PPP1R9A: variants seen among roughly 807,000 people sequenced by gnomAD.
PPP1R9A encodes the protein protein phosphatase 1 regulatory subunit 9A, also known as neurabin-1.
PPP1R9A carries 59 observed loss-of-function variants against 141.9 expected under a neutral mutation model. The observed-to-expected ratio is 0.42, with a 90% CI of 0.34 to 0.52. The LOEUF is 0.52. Ranked by LOEUF, PPP1R9A falls within the 20% of genes least tolerant of loss-of-function variation. The pLI is 0.10. For missense variants in PPP1R9A, 1,444 were observed against 1,611.9 expected, an observed-to-expected ratio of 0.90 and a Z score of 1.78; for synonymous variants, 500 against 569.7, an observed-to-expected ratio of 0.88 and a Z score of 1.74.
chr7:95,166,933 T>G (rs1831354626), intron 5 of PPP1R9A, among the ~76,000 whole-genome samples: 1 of 152,172 alleles, frequency 6.6e-6, no homozygotes, highest in Admixed American at 6.5e-5. Flanking sequence ...TCTCAGTAGA[T>G]GCAGAAAAAA....
At chr7:95,144,794 T>A (rs996753782) in intron 4 of PPP1R9A, among the ~76,000 whole-genome samples, 1 of 152,160 alleles carries the variant, frequency 6.6e-6, no homozygotes, top group Non-Finnish European at 1.5e-5. Context: ...GGTAAACTAT[T>A]CCTGTTGTAG....
At chr7:95,273,846 G>T in intron 14 of PPP1R9A, 53 bp from the exon 15 acceptor site, 3 of 1,410,418 alleles carry the variant, frequency 2.1e-6, no homozygotes, top group South Asian at 1.3e-5. Context: ...CTTTTGAATT[G>T]TGACTTTAAA....
chr7:95,238,447 T>A (rs1287129497), intron 8 of PPP1R9A, among the ~76,000 whole-genome samples: 1 of 152,134 alleles, frequency 6.6e-6, no homozygotes, highest in Non-Finnish European at 1.5e-5. Flanking sequence ...TGGAGAAGAC[T>A]AAAGATTAAA....
intron 5 of PPP1R9A, among the ~76,000 whole-genome samples, chr7:95,163,373 G>A (rs370236675): frequency 6.2e-4 from 95 of 152,212 alleles, no homozygotes; most frequent in African/African-American, 2.1e-3. Context: ...TTACTCTCAT[G>A]GAAGGACATA....
intron 4 of PPP1R9A, among the ~76,000 whole-genome samples, chr7:95,153,584 G>C (rs1289276580): frequency 6.6e-6 from 1 of 152,148 alleles, no homozygotes; most frequent in Admixed American, 6.5e-5. Context: ...TTTTAAATCA[G>C]TCTGATTTGT....
intron 2 of PPP1R9A, among the ~76,000 whole-genome samples, chr7:95,001,261 C>A (rs1434494885): frequency 6.6e-6 from 1 of 152,088 alleles, no homozygotes; most frequent in Non-Finnish European, 1.5e-5. Flanking sequence ...CTTTATATAG[C>A]TATTCAGTTG....
intron 2 of PPP1R9A, among the ~76,000 whole-genome samples, chr7:94,947,950 G>C (rs1796068712): frequency 6.6e-6 from 1 of 152,068 alleles, no homozygotes; most frequent in Non-Finnish European, 1.5e-5. Context: ...GGGGAGGCCT[G>C]AGTGAAATAT....
intron 2 of PPP1R9A, among the ~76,000 whole-genome samples, chr7:94,960,415 T>C (rs1049848597): frequency 1.3e-5 from 2 of 151,654 alleles, no homozygotes; most frequent in Non-Finnish European, 1.5e-5. Context: ...TCTTAAAAAG[T>C]ACACTGATAC....
chr7:95,201,681 C>T lies in PPP1R9A; in HGVS notation c.1891-1984C>T, dbSNP rs185460809. On this transcript the variant is annotated intron_variant, in intron 6 of 19. Transcript: ENST00000433360. Reference sequence around the variant, plus strand: ...ATTGGATAGCTAATGGATAAATGCTCCTTGAATAATTGAGTTAATTTCATA... The same window carrying T: ...ATTGGATAGCTAATGGATAAATGCTTCTTGAATAATTGAGTTAATTTCATA... 2.4e-3 allele frequency among the ~76,000 whole-genome samples: 358 copies of T among 152,158 alleles called. 1 individual carries two copies. The highest frequency in any genetic ancestry group is 5.6e-3 in the Admixed American group (85 of 15,278).
At chr7:95,176,059 C>G (rs1479092141) in intron 5 of PPP1R9A, among the ~76,000 whole-genome samples, 3 of 151,808 alleles carry the variant, frequency 2.0e-5, no homozygotes, top group Non-Finnish European at 1.5e-5. Context: ...AATCAGAAAA[C>G]CCGAGAGGAC....
intron 8 of PPP1R9A, among the ~76,000 whole-genome samples, chr7:95,235,137 A>T (rs147566334): frequency 0.019 from 2,937 of 152,304 alleles, 43 homozygotes; most frequent in Non-Finnish European, 0.029. Flanking sequence ...ATCCAAAAGC[A>T]AATGCAACAA....
intron 4 of PPP1R9A, among the ~76,000 whole-genome samples, chr7:95,144,451 A>G (rs372673358): frequency 5.9e-5 from 9 of 152,224 alleles, no homozygotes; most frequent in East Asian, 1.9e-4. Flanking sequence ...TAATGCTGCA[A>G]TGAACATGGA....
At chr7:94,927,178 T>C (rs1793587009) in intron 2 of PPP1R9A, among the ~76,000 whole-genome samples, 1 of 152,182 alleles carries the variant, frequency 6.6e-6, no homozygotes, top group South Asian at 2.1e-4. Context: ...GGGTTATGTA[T>C]GTTTTTGCAG....
At chr7:95,106,603 A>G (rs1302294328) in intron 2 of PPP1R9A, among the ~76,000 whole-genome samples, 2 of 152,190 alleles carry the variant, frequency 1.3e-5, no homozygotes, top group African/African-American at 4.8e-5. Flanking sequence ...GCTTTGGGCT[A>G]TTACAGATAG....
intron 5 of PPP1R9A, among the ~76,000 whole-genome samples, 164 bp downstream of exon 5, chr7:95,162,135 T>TG (rs1190773747): frequency 6.6e-6 from 1 of 152,196 alleles, no homozygotes; most frequent in Non-Finnish European, 1.5e-5. Flanking sequence ...AATTAGTTCA[T>TG]GAAAATAGAA....
At chr7:95,268,108 A>T (rs1421426717) in intron 12 of PPP1R9A, among the ~76,000 whole-genome samples, 1 of 152,200 alleles carries the variant, frequency 6.6e-6, no homozygotes, top group Non-Finnish European at 1.5e-5. Context: ...CAGTAAATTT[A>T]TGATAGTTAC....
rs146812392 is a variant in PPP1R9A, at chr7:95,196,258, A to C, written c.1755-2091A>C. 4.3e-3 allele frequency among the ~76,000 whole-genome samples: 650 copies of C among 152,306 alleles called. 3 individuals are homozygous for C. Among genetic ancestry groups the C allele is most frequent in the Non-Finnish European group, 6.8e-3 (463 of 68,018 alleles). On this transcript the variant is annotated intron_variant, in intron 5 of 19. Coordinates refer to ENST00000433360, the MANE Select transcript of PPP1R9A (RefSeq NM_001166160.2). ...ATCATCAGTCATCAGGGCAATGGAA[A>C]TTAAAAACATTATGAAATACCACAA...
chr7:95,110,961 T>G (rs528943107), intron 2 of PPP1R9A, among the ~76,000 whole-genome samples: 14 of 152,240 alleles, frequency 9.2e-5, no homozygotes, highest in Non-Finnish European at 1.6e-4. Flanking sequence ...TTCCAGCTAA[T>G]ATGATTCATT....
chr7:95,284,142 A>G lies in PPP1R9A; in HGVS notation c.3421A>G (p.Arg1141Gly), dbSNP rs778793703. The G allele has an allele frequency of 3.1e-6, 5 of 1,590,246 alleles. No individual in the cohort carries two copies. Among genetic ancestry groups the G allele is most frequent in the Non-Finnish European group, 4.3e-6 (5 of 1,171,370 alleles). The change falls in exon 17 of 20, where the codon AGG (arginine) becomes GGG (glycine). Residue 1141 changes from arginine to glycine, a missense_variant. Arg to Gly is a moderately radical substitution (Grantham distance 125, BLOSUM62 -2). This residue lies in a region of PPP1R9A where 459 missense variants were observed against 513.8 expected (regional missense o/e 0.89). Transcript: ENST00000433360. Reference sequence around the variant, plus strand: ...CAGCCGGAAAGGATCCTATTCCTTCAGGAACCTGCCTGCGCCTACAAGTTC... The same window carrying G: ...CAGCCGGAAAGGATCCTATTCCTTCGGGAACCTGCCTGCGCCTACAAGTTC... ...NDSRKGSYSF[R>G]NLPAPTSSLQ...
Sources: allele counts gnomAD v4.1 joint callset (sites outside exome capture counted in the v4.1 genomes callset), GRCh38; gene constraint gnomAD v4.1.1; regional missense constraint gnomAD v4.1.1; transcripts MANE v1.5; gene names NCBI Gene and HGNC (gene_info 2026-07-23, HGNC 2026-07-21).